Variants in SLC22A25 observed in about 807,000 individuals in gnomAD.
The protein encoded by SLC22A25 is solute carrier family 22 member 25.
In SLC22A25, 44 loss-of-function variants were observed where a neutral mutation model predicts 45.9. The observed-to-expected ratio is 0.96, with a 90% CI of 0.75 to 1.23. SLC22A25 has a LOEUF of 1.23. Among genes scored for constraint, SLC22A25 ranks in the 50% most tolerant of loss-of-function variants. SLC22A25 has a pLI of 0.00. For missense variants in SLC22A25, 800 were observed against 666.4 expected (o/e 1.20, Z -2.21); for synonymous variants, 283 against 238.6 (o/e 1.19, Z -1.72).
chr11:63,159,823 G>T lies in SLC22A25; in HGVS notation c.*4001C>A, dbSNP rs370005700. Among the ~76,000 whole-genome samples, 1 of 152,184 alleles carries T rather than the reference G, an allele frequency of 6.6e-6. No individual in the cohort carries two copies. The highest frequency in any genetic ancestry group is 6.5e-5 in the Admixed American group (1 of 15,284). ...TAATGATATGGAAAATGAAATCCAG[G>T]CTGAGGTGGTCTCAGATGAAGATGA... On this transcript the variant is annotated 3_prime_UTR_variant, in exon 12 of 12. Coordinates refer to ENST00000306494, the MANE Select transcript of SLC22A25 (RefSeq NM_199352.6).
intron 5 of SLC22A25, among the ~76,000 whole-genome samples, chr11:63,226,016 TTAATC>T (rs2089954906): frequency 6.6e-6 from 1 of 152,176 alleles, no homozygotes; most frequent in Non-Finnish European, 1.5e-5. Context: ...GTTTGGTAAA[TTAATC>T]TAATAGGATT....
In SLC22A25 at chr11:63,188,720, C is replaced by T. The variant is rs182254616; in HGVS notation, c.831-4903G>A. 1.4e-3 allele frequency among the ~76,000 whole-genome samples: 210 copies of T among 152,014 alleles called. 5 individuals carry two copies. The East Asian group carries it at 0.033, about 24-fold the overall frequency. On this transcript the variant is annotated intron_variant, in intron 7 of 11. Coordinates refer to ENST00000306494, the MANE Select transcript of SLC22A25 (RefSeq NM_199352.6). ...TTCCCTCTACACACTGCTTTGAATGCGTCCCAGAGATTCTGGTATGTTGTG... is the reference window on the plus strand; with the variant it reads ...TTCCCTCTACACACTGCTTTGAATGTGTCCCAGAGATTCTGGTATGTTGTG...
intron 8 of SLC22A25, 136 bp downstream of exon 8, chr11:63,183,558 T>C: frequency 9.0e-7 from 1 of 1,108,158 alleles, no homozygotes; most frequent in Admixed American, 2.1e-5. Flanking sequence ...TGACACCCAT[T>C]GAGAATGATC....
At chr11:63,215,149 A>C (rs1308585919) in intron 7 of SLC22A25, among the ~76,000 whole-genome samples, 1 of 152,228 alleles carries the variant, frequency 6.6e-6, no homozygotes, top group Non-Finnish European at 1.5e-5. Context: ...TTATTGCAGA[A>C]CTATTCACAA....
chr11:63,194,185 T>G (rs1452215992), intron 7 of SLC22A25, among the ~76,000 whole-genome samples: 4 of 152,086 alleles, frequency 2.6e-5, no homozygotes, highest in African/African-American at 9.7e-5. Context: ...AATCTATGTT[T>G]GATTGATGTA....
chr11:63,171,968 T>C (rs1427674804), intron 9 of SLC22A25, among the ~76,000 whole-genome samples: 1 of 151,704 alleles, frequency 6.6e-6, no homozygotes, highest in Admixed American at 6.6e-5. Flanking sequence ...CATAGACCAA[T>C]GGAGCGAACA....
At chr11:63,204,479 AG>A (rs1246053983) in intron 7 of SLC22A25, among the ~76,000 whole-genome samples, 1 of 152,160 alleles carries the variant, frequency 6.6e-6, no homozygotes, top group East Asian at 1.9e-4. Flanking sequence ...CCAAGCAAAT[AG>A]AAAGAAAAGC....
At chr11:63,203,826 C>T (rs1022219904) in intron 7 of SLC22A25, among the ~76,000 whole-genome samples, 5 of 152,016 alleles carry the variant, frequency 3.3e-5, no homozygotes, top group Non-Finnish European at 5.9e-5. Context: ...AGATACTCCT[C>T]GAGAAGAGCA....
chr11:63,177,505 T>C (rs1292465064), intron 9 of SLC22A25, among the ~76,000 whole-genome samples: 6 of 151,918 alleles, frequency 3.9e-5, no homozygotes, highest in Admixed American at 3.3e-4. Flanking sequence ...ATCTTATTTT[T>C]TCTATATAAC....
At chr11:63,216,795 T>G (rs916865688) in intron 7 of SLC22A25, among the ~76,000 whole-genome samples, 2 of 151,474 alleles carry the variant, frequency 1.3e-5, no homozygotes, top group Admixed American at 1.3e-4. Context: ...AGCCTGCACA[T>G]GTACCCCTGA....
intron 7 of SLC22A25, among the ~76,000 whole-genome samples, chr11:63,200,846 A>T (rs1314179758): frequency 6.6e-6 from 1 of 152,210 alleles, no homozygotes; most frequent in Non-Finnish European, 1.5e-5. Context: ...AATCACTAGC[A>T]TTCCTGTACA....
At chr11:63,215,546 C>T (rs900328884) in intron 7 of SLC22A25, among the ~76,000 whole-genome samples, 11 of 152,038 alleles carry the variant, frequency 7.2e-5, no homozygotes, top group African/African-American at 9.7e-5. Context: ...CAAACCTGCA[C>T]GTTTTGCACA....
At chr11:63,199,798 C>T (rs563645741) in intron 7 of SLC22A25, among the ~76,000 whole-genome samples, 9 of 148,296 alleles carry the variant, frequency 6.1e-5, no homozygotes, top group Non-Finnish European at 1.2e-4. Context: ...AATCAATAGG[C>T]GACGTCCGAG....
chr11:63,242,720 C>T (rs2090270110), intron 1 of SLC22A25, among the ~76,000 whole-genome samples: 1 of 152,184 alleles, frequency 6.6e-6, no homozygotes, highest in East Asian at 1.9e-4. Context: ...ATCAAGTTGA[C>T]ACTCAATATT....
At chr11:63,195,014 C>A (rs1351392117) in intron 7 of SLC22A25, among the ~76,000 whole-genome samples, 1 of 144,124 alleles carries the variant, frequency 6.9e-6, no homozygotes, top group Non-Finnish European at 1.5e-5. Flanking sequence ...AAGGCCATTA[C>A]ATAATGGTAA....
intron 9 of SLC22A25, among the ~76,000 whole-genome samples, chr11:63,168,331 A>G (rs2134709813): frequency 6.6e-6 from 1 of 152,330 alleles, no homozygotes; most frequent in African/African-American, 2.4e-5. Context: ...ACAAATTGAC[A>G]GAAGTAGGCT....
Position 63,229,147 on chromosome 11 carries a change from G to A in SLC22A25, c.402+104C>T, listed in dbSNP as rs1385470942. ...AATTAATGTTTCCTGAAAGAATGAAGAATAAGCACCTACATGTGACTAAAG... is the reference window on the plus strand; with the variant it reads ...AATTAATGTTTCCTGAAAGAATGAAAAATAAGCACCTACATGTGACTAAAG... On this transcript the variant is annotated intron_variant, in intron 4 of 11. Transcript: ENST00000306494. 3 of 1,206,634 alleles carry A rather than the reference G, an allele frequency of 2.5e-6. No individual in the cohort carries two copies. The African/African-American group carries it at 4.5e-5, about 18-fold the overall frequency. 74.7% of individuals were successfully genotyped at this position (1,206,634 alleles called of 1,614,324 possible). A position where few individuals can be genotyped will look rare whatever the true frequency, so the allele number is the denominator to read the frequency against.
chr11:63,237,673 A>G (rs2090187215), intron 3 of SLC22A25, among the ~76,000 whole-genome samples: 1 of 152,146 alleles, frequency 6.6e-6, no homozygotes, highest in Non-Finnish European at 1.5e-5. Context: ...CAGATTTCCA[A>G]ACCCTGACCT....
At chr11:63,189,512 T>C (rs113858075) in intron 7 of SLC22A25, among the ~76,000 whole-genome samples, 10 of 152,230 alleles carry the variant, frequency 6.6e-5, no homozygotes, top group Non-Finnish European at 1.2e-4. Flanking sequence ...TGCCAGTCTG[T>C]GTCTTTTAAT....
Sources: gnomAD v4.1 joint callset for allele counts (sites outside exome capture counted in the v4.1 genomes callset) on GRCh38, gnomAD v4.1.1 for gene constraint, MANE v1.5 for transcripts, NCBI Gene and HGNC (gene_info 2026-07-23, HGNC 2026-07-21) for gene names.